The following TAFA1 variants were observed in gnomAD, a reference collection of about 807,000 sequenced individuals.
TAFA1 encodes chemokine-like protein TAFA-1.
In TAFA1, 4 loss-of-function variants were observed where a neutral mutation model predicts 18.5. The observed-to-expected ratio is 0.22, with a 90% CI of 0.11 to 0.49. TAFA1 has a LOEUF of 0.49. TAFA1 is among the 20% of genes least tolerant of loss of function. TAFA1 has a pLI of 0.98. For missense variants in TAFA1, 147 were observed against 169.0 expected (o/e 0.87, Z 0.72); for synonymous variants, 56 against 55.2 (o/e 1.01, Z -0.06).
chr3:68,340,168 C>T (rs1156552725), intron 2 of TAFA1, among the ~76,000 whole-genome samples: 1 of 152,150 alleles, frequency 6.6e-6, no homozygotes, highest in Non-Finnish European at 1.5e-5. Flanking sequence ...ATTGAGTATT[C>T]TACTGTAGAA....
chr3:68,479,485 G>A (rs1018952417), intron 3 of TAFA1, among the ~76,000 whole-genome samples: 2 of 151,850 alleles, frequency 1.3e-5, no homozygotes, highest in African/African-American at 4.8e-5. Flanking sequence ...TTATGAAATG[G>A]CTACATGAGT....
At chr3:68,234,320 A>G (rs951741569) in intron 2 of TAFA1, among the ~76,000 whole-genome samples, 2 of 152,184 alleles carry the variant, frequency 1.3e-5, no homozygotes, top group Admixed American at 6.5e-5. Flanking sequence ...AGTTGCTTCT[A>G]TGGCAGCTTT....
intron 2 of TAFA1, among the ~76,000 whole-genome samples, chr3:68,223,256 A>G (rs2066754605): frequency 6.6e-6 from 1 of 152,146 alleles, no homozygotes; most frequent in African/African-American, 2.4e-5. Flanking sequence ...CAATATTTCC[A>G]CTTATACTTG....
chr3:68,537,252 A>T (rs565479395), intron 3 of TAFA1, among the ~76,000 whole-genome samples: 1 of 152,208 alleles, frequency 6.6e-6, no homozygotes, highest in African/African-American at 2.4e-5. Flanking sequence ...TGAAAAATCA[A>T]TGGGCAAAAG....
chr3:68,329,930 T>C (rs895562314), intron 2 of TAFA1, among the ~76,000 whole-genome samples: 1 of 152,194 alleles, frequency 6.6e-6, no homozygotes, highest in African/African-American at 2.4e-5. Flanking sequence ...AAGTTAAAAA[T>C]GACCAAACCC....
chr3:68,539,243 G>C (rs936970680), intron 4 of TAFA1, among the ~76,000 whole-genome samples: 3 of 152,132 alleles, frequency 2.0e-5, no homozygotes, highest in Non-Finnish European at 4.4e-5. Context: ...TGCTGAAAGG[G>C]TCTGCGTTTA....
chr3:68,311,680 G>A (rs2068519933), intron 2 of TAFA1, among the ~76,000 whole-genome samples: 1 of 152,222 alleles, frequency 6.6e-6, no homozygotes, highest in Non-Finnish European at 1.5e-5. Flanking sequence ...TCACCCCTGT[G>A]GCTTCACAGA....
chr3:68,169,298 C>A (rs1252872804), intron 2 of TAFA1, among the ~76,000 whole-genome samples: 1 of 152,236 alleles, frequency 6.6e-6, no homozygotes, highest in Non-Finnish European at 1.5e-5. Flanking sequence ...TTTGATGATA[C>A]CCAAGTTGAG....
chr3:68,063,098 G>A, intron 2 of TAFA1, among the ~76,000 whole-genome samples: 1 of 152,176 alleles, frequency 6.6e-6, no homozygotes, highest in East Asian at 1.9e-4. Context: ...ACGTAGAAAT[G>A]CAGCACCAGC....
chr3:68,527,516 G>A (rs1410502754), intron 3 of TAFA1, among the ~76,000 whole-genome samples: 4 of 152,036 alleles, frequency 2.6e-5, no homozygotes, highest in African/African-American at 7.2e-5. Flanking sequence ...AAACAGTTTT[G>A]TTAATTACTT....
intron 3 of TAFA1, among the ~76,000 whole-genome samples, chr3:68,424,277 C>A (rs1182339396): frequency 1.3e-5 from 2 of 151,640 alleles, no homozygotes; most frequent in Non-Finnish European, 2.9e-5. Context: ...ATGAGACAGA[C>A]CAGACAGTGA....
At chr3:68,290,722 T>A (rs1234581910) in intron 2 of TAFA1, among the ~76,000 whole-genome samples, 19 of 152,204 alleles carry the variant, frequency 1.2e-4, no homozygotes, top group Non-Finnish European at 1.5e-5. Flanking sequence ...AATTTTCTCC[T>A]TAATTGATAT....
At chr3:68,046,023 C>T (rs568065197) in intron 2 of TAFA1, among the ~76,000 whole-genome samples, 25 of 152,214 alleles carry the variant, frequency 1.6e-4, no homozygotes, top group African/African-American at 5.8e-4. Flanking sequence ...AAGTATCTTT[C>T]CCCTAATAGG....
At chr3:68,486,107 A>ATTTTG (rs1209369415) in intron 3 of TAFA1, among the ~76,000 whole-genome samples, 16 of 77,360 alleles carry the variant, frequency 2.1e-4, no homozygotes, top group South Asian at 5.3e-4. Flanking sequence ...ATTTTGTTTT[A>ATTTTG]TTTTATTTTA....
the TAFA1 span, among the ~76,000 whole-genome samples, chr3:67,998,073 A>G: frequency 4.6e-5 from 7 of 152,164 alleles, 1 homozygote; most frequent in African/African-American, 1.4e-4. Context: ...AAAAAACCAT[A>G]TATTAAATTA....
At chr3:68,377,640 T>C (rs2069844201) in intron 2 of TAFA1, among the ~76,000 whole-genome samples, 1 of 152,194 alleles carries the variant, frequency 6.6e-6, no homozygotes, top group East Asian at 1.9e-4. Context: ...TAATTGTTAA[T>C]CGCCAACACA....
chr3:68,352,996 G>A (rs2069297681), intron 2 of TAFA1, among the ~76,000 whole-genome samples: 1 of 152,052 alleles, frequency 6.6e-6, no homozygotes, highest in South Asian at 2.1e-4. Context: ...AATTGACCCA[G>A]TATTAAACCA....
At chr3:68,379,692 T>C (rs1215145889) in intron 2 of TAFA1, among the ~76,000 whole-genome samples, 2 of 151,834 alleles carry the variant, frequency 1.3e-5, no homozygotes, top group Admixed American at 1.3e-4. Flanking sequence ...GTTTGGGTTT[T>C]TACATTTAAG....
rs111331420 is a variant in TAFA1, at chr3:68,367,637, C to T, written c.119-49643C>T. Among the ~76,000 whole-genome samples, 4 of 152,184 alleles carry T rather than the reference C, an allele frequency of 2.6e-5. 1 individual carries two copies. The highest frequency in any genetic ancestry group is 4.2e-4 in the South Asian group (2 of 4,814). Reference sequence around the variant, plus strand: ...GTTGTGATTCAGTGGTACACAACCTCGGACACATTATAATCGCCTGAAAGA... The same window carrying T: ...GTTGTGATTCAGTGGTACACAACCTTGGACACATTATAATCGCCTGAAAGA... On this transcript the variant is annotated intron_variant, in intron 2 of 4. Transcript: ENST00000478136.
Sources: allele counts gnomAD v4.1 joint callset (sites outside exome capture counted in the v4.1 genomes callset), GRCh38; gene constraint gnomAD v4.1.1; transcripts MANE v1.5; gene names NCBI Gene and HGNC (gene_info 2026-07-23, HGNC 2026-07-21).